Variants in GULP1 observed in about 807,000 individuals in gnomAD.
GULP1 encodes PTB domain-containing engulfment adapter protein 1.
Under a neutral mutation model 40.9 loss-of-function variants are expected in GULP1, and 19 were observed. The observed-to-expected ratio is 0.46, with a 90% CI of 0.32 to 0.68. The LOEUF (loss-of-function observed/expected upper bound fraction) is 0.68, where lower values mean the gene tolerates loss of function less well. Ranked by LOEUF, GULP1 falls within the 30% of genes least tolerant of loss-of-function variation. The pLI is 0.03. For missense variants in GULP1, 312 were observed against 362.2 expected, an observed-to-expected ratio of 0.86 and a Z score of 1.12; for synonymous variants, 119 against 117.6, an observed-to-expected ratio of 1.01 and a Z score of -0.08.
At chr2:188,560,027 CCT>C (rs1695839870) in intron 7 of GULP1, among the ~76,000 whole-genome samples, 1 of 152,144 alleles carries the variant, frequency 6.6e-6, no homozygotes, top group African/African-American at 2.4e-5. Context: ...TCGTATTAAA[CCT>C]CTTTTTCTTC....
At chr2:188,582,676 A>G (rs922995277) in intron 9 of GULP1, 10 of 376,602 alleles carry the variant, frequency 2.7e-5, no homozygotes, top group East Asian at 1.5e-4. Flanking sequence ...TCTTGAGTCA[A>G]TGTGATGTGA....
chr2:188,563,972 C>T lies in GULP1; in HGVS notation c.400-5267C>T, dbSNP rs779439807. ...TCCCAGGAATTCAAGTTTGGTTTAA[C>T]ATAAGAAAAATCAATCAACGTAATA... On this transcript the variant is annotated intron_variant, in intron 7 of 11. Transcript: ENST00000409830. 5.9e-5 allele frequency among the ~76,000 whole-genome samples: 9 copies of T among 151,838 alleles called. 1 individual carries two copies. The highest frequency in any genetic ancestry group is 6.3e-3 in the Middle Eastern group (2 of 316).
At chr2:188,483,805 A>C (rs2061626935) in intron 4 of GULP1, among the ~76,000 whole-genome samples, 1 of 152,220 alleles carries the variant, frequency 6.6e-6, no homozygotes, top group Admixed American at 6.6e-5. Context: ...GCTTTCTTTA[A>C]AAACATTAAT....
At chr2:188,444,550 C>T (rs545911203) in intron 2 of GULP1, among the ~76,000 whole-genome samples, 1 of 152,302 alleles carries the variant, frequency 6.6e-6, no homozygotes, top group East Asian at 1.9e-4. Context: ...ATGACTCCTT[C>T]ATAAGCCAGA....
chr2:188,319,945 T>C (rs1227195033), intron 1 of GULP1, among the ~76,000 whole-genome samples: 1 of 152,164 alleles, frequency 6.6e-6, no homozygotes, highest in Admixed American at 6.6e-5. Context: ...CTTGGCAATA[T>C]TGACATTTTG....
intron 1 of GULP1, among the ~76,000 whole-genome samples, chr2:188,352,616 T>TCACACA (rs1179352194): frequency 0.014 from 1,068 of 76,010 alleles, 7 homozygotes; most frequent in Non-Finnish European, 0.017. Flanking sequence ...TCTCTCTCTC[T>TCACACA]CTCACACACA....
At chr2:188,361,962 T>G (rs2046154238) in intron 1 of GULP1, among the ~76,000 whole-genome samples, 1 of 152,112 alleles carries the variant, frequency 6.6e-6, no homozygotes, top group African/African-American at 2.4e-5. Flanking sequence ...GACAAAATGT[T>G]TTTTGTAAAT....
intron 1 of GULP1, among the ~76,000 whole-genome samples, chr2:188,353,589 T>A (rs2044814668): frequency 6.6e-6 from 1 of 151,870 alleles, no homozygotes; most frequent in Non-Finnish European, 1.5e-5. Context: ...CCCAGAAAAA[T>A]GATGCCTTGG....
chr2:188,293,409 C>G (rs976478121), intron 1 of GULP1, among the ~76,000 whole-genome samples: 1 of 152,170 alleles, frequency 6.6e-6, no homozygotes, highest in Non-Finnish European at 1.5e-5. Context: ...GGAGAATGTT[C>G]AAGTCATGAC....
At chr2:188,300,226 G>T (rs1411525153) in intron 1 of GULP1, among the ~76,000 whole-genome samples, 1 of 152,020 alleles carries the variant, frequency 6.6e-6, no homozygotes, top group Non-Finnish European at 1.5e-5. Context: ...TAACTATATT[G>T]GGAGGAGTTA....
chr2:188,469,746 A>C lies in GULP1; in HGVS notation c.-44-7913A>C, dbSNP rs140700437. ...TATGTTTCTTCTATACTCATTTTTT[A>C]TGGTTTTTATCATGAAAGATGTTGA... On this transcript the variant is annotated intron_variant, in intron 2 of 11. Transcript: ENST00000409830. Among the ~76,000 whole-genome samples, 577 of 152,174 alleles carry C rather than the reference A, an allele frequency of 3.8e-3. 4 individuals carry two copies. Among genetic ancestry groups the C allele is most frequent in the African/African-American group, 0.013 (544 of 41,520 alleles).
intron 7 of GULP1, among the ~76,000 whole-genome samples, chr2:188,555,407 A>G (rs547466374): frequency 6.6e-6 from 1 of 152,332 alleles, no homozygotes; most frequent in Admixed American, 6.5e-5. Context: ...AGACCAGTCT[A>G]GTGGTAACAA....
chr2:188,353,687 G>A (rs1168697004), intron 1 of GULP1, among the ~76,000 whole-genome samples: 1 of 151,744 alleles, frequency 6.6e-6, no homozygotes, highest in Non-Finnish European at 1.5e-5. Flanking sequence ...CCCAGAGTAG[G>A]TATGCTTCCC....
At chr2:188,548,180 T>G (rs1559366784) in intron 7 of GULP1, among the ~76,000 whole-genome samples, 1 of 151,944 alleles carries the variant, frequency 6.6e-6, no homozygotes, top group East Asian at 1.9e-4. Context: ...AATAAAGAAA[T>G]AAAACTGTGC....
intron 9 of GULP1, among the ~76,000 whole-genome samples, chr2:188,578,884 T>G (rs73978257): frequency 2.0e-5 from 3 of 152,106 alleles, no homozygotes; most frequent in African/African-American, 7.2e-5. Flanking sequence ...TTTAATTACT[T>G]TAACACATAA....
At chr2:188,401,849 T>C (rs1244232362) in intron 2 of GULP1, among the ~76,000 whole-genome samples, 2 of 152,174 alleles carry the variant, frequency 1.3e-5, no homozygotes, top group Non-Finnish European at 2.9e-5. Flanking sequence ...TAAGTTGTCA[T>C]TAGTAATAAT....
chr2:188,537,989 G>A (rs536043945), intron 6 of GULP1, among the ~76,000 whole-genome samples: 3 of 152,016 alleles, frequency 2.0e-5, no homozygotes, highest in African/African-American at 7.2e-5. Flanking sequence ...GTTCGTAATA[G>A]TCTCTGAGGA....
At chr2:188,490,000 C>T (rs2062208247) in intron 4 of GULP1, among the ~76,000 whole-genome samples, 1 of 152,052 alleles carries the variant, frequency 6.6e-6, no homozygotes, top group African/African-American at 2.4e-5. Context: ...TATAATTCTA[C>T]ATCTGAGAGT....
At chr2:188,526,328 G>T (rs1179946549) in intron 5 of GULP1, among the ~76,000 whole-genome samples, 5 of 152,050 alleles carry the variant, frequency 3.3e-5, no homozygotes, top group East Asian at 1.9e-4. Flanking sequence ...TATATTCAGG[G>T]TTTAATGGCA....
Sources: gnomAD v4.1 joint callset for allele counts (sites outside exome capture counted in the v4.1 genomes callset) on GRCh38, gnomAD v4.1.1 for gene constraint, MANE v1.5 for transcripts, NCBI Gene and HGNC (gene_info 2026-07-23, HGNC 2026-07-21) for gene names.